Variants in SEMA6D observed in about 807,000 individuals in gnomAD.
SEMA6D encodes semaphorin-6D.
SEMA6D carries 35 observed loss-of-function variants against 106.6 expected under a neutral mutation model. The observed-to-expected ratio is 0.33, with a 90% CI of 0.25 to 0.44. The LOEUF (loss-of-function observed/expected upper bound fraction) is 0.44, where lower values mean the gene tolerates loss of function less well. Among genes scored for constraint, SEMA6D ranks in the 20% least tolerant of loss-of-function variants. The pLI is 1.00. For synonymous variants in SEMA6D, 499 were observed against 487.7 expected (o/e 1.02, Z -0.31); for missense variants, 1,185 against 1,345.9 (o/e 0.88, Z 1.87).
Position 47,277,075 on chromosome 15 carries a change from G to A in SEMA6D, c.-239+92657G>A, listed in dbSNP as rs114993584. Among the ~76,000 whole-genome samples, 916 of 152,250 alleles carry A rather than the reference G, an allele frequency of 6.0e-3. 14 individuals are homozygous for A. Among genetic ancestry groups the A allele is most frequent in the African/African-American group, 0.021 (865 of 41,560 alleles). On this transcript the variant is annotated intron_variant, in intron 1 of 19. Coordinates refer to the SEMA6D transcript ENST00000558014. ...AGAATTATTAATAGACATGAAGCCT[G>A]AAGCTGAGACTGAATTGCTGCAATT...
At chr15:47,190,172 AT>A (rs762082423) in intron 1 of SEMA6D, among the ~76,000 whole-genome samples, 167 of 152,318 alleles carry the variant, frequency 1.1e-3, no homozygotes, top group Middle Eastern at 6.8e-3. Context: ...TGGGCAGAGA[AT>A]TTGTCTTCAA....
chr15:47,214,711 C>G (rs190811581), intron 1 of SEMA6D, among the ~76,000 whole-genome samples: 18 of 152,228 alleles, frequency 1.2e-4, no homozygotes, highest in African/African-American at 3.9e-4. Flanking sequence ...AATGTTTTAT[C>G]CTGAGGGAAA....
chr15:47,274,735 AG>A (rs1784902529), intron 1 of SEMA6D: 1 of 152,482 alleles, frequency 6.6e-6, no homozygotes, highest in African/African-American at 2.4e-5. Flanking sequence ...CTGCCTCTCC[AG>A]CTTTGTGTAA....
intron 13 of SEMA6D, 62 bp from the exon 14 acceptor site, chr15:47,765,807 G>A (rs1328076556): frequency 1.7e-5 from 24 of 1,414,174 alleles, no homozygotes; most frequent in Non-Finnish European, 1.9e-5. Context: ...CTCAGTAATT[G>A]CTAAAGCAAA....
chr15:47,417,756 A>G (rs2041021499), intron 2 of SEMA6D, among the ~76,000 whole-genome samples: 1 of 151,974 alleles, frequency 6.6e-6, no homozygotes, highest in Non-Finnish European at 1.5e-5. Context: ...ACATCTCTAA[A>G]TATTAATTTT....
intron 3 of SEMA6D, among the ~76,000 whole-genome samples, chr15:47,531,833 G>T (rs145672858): frequency 6.6e-6 from 1 of 152,180 alleles, no homozygotes. Flanking sequence ...CCAATTAGAG[G>T]TCATGTTGTT....
chr15:47,753,356 G>A (rs1464984258), intron 1 of SEMA6D, among the ~76,000 whole-genome samples: 1 of 152,168 alleles, frequency 6.6e-6, no homozygotes, highest in East Asian at 1.9e-4. Flanking sequence ...CTCTGGAGAA[G>A]GTGCAGAAGG....
At chr15:47,722,902 T>C (rs907310825) in intron 1 of SEMA6D, among the ~76,000 whole-genome samples, 2 of 152,206 alleles carry the variant, frequency 1.3e-5, no homozygotes, top group East Asian at 3.8e-4. Flanking sequence ...AATTCTGTTA[T>C]TATCACTGCT....
chr15:47,228,209 C>T (rs1238572546), intron 1 of SEMA6D, among the ~76,000 whole-genome samples: 1 of 149,258 alleles, frequency 6.7e-6, no homozygotes, highest in East Asian at 2.0e-4. Context: ...ATGGATATGT[C>T]ATACAAGTGA....
intron 2 of SEMA6D, among the ~76,000 whole-genome samples, chr15:47,458,423 C>CGG (rs1166108765): frequency 2.0e-5 from 3 of 151,814 alleles, no homozygotes; most frequent in Non-Finnish European, 4.4e-5. Flanking sequence ...TTTTCAAAGG[C>CGG]CCATGGAACA....
chr15:47,628,266 C>A (rs2077236130), intron 4 of SEMA6D, among the ~76,000 whole-genome samples: 1 of 148,374 alleles, frequency 6.7e-6, no homozygotes, highest in Non-Finnish European at 1.5e-5. Context: ...TTTTTCATTT[C>A]TTTGAGATTA....
At chr15:47,306,281 C>T (rs1468126518) in intron 1 of SEMA6D, among the ~76,000 whole-genome samples, 2 of 152,052 alleles carry the variant, frequency 1.3e-5, no homozygotes, top group African/African-American at 2.4e-5. Context: ...CCGCGCCTGG[C>T]CCAATGGTAA....
intron 3 of SEMA6D, among the ~76,000 whole-genome samples, chr15:47,577,956 G>A (rs959459166): frequency 2.0e-5 from 3 of 152,220 alleles, no homozygotes; most frequent in African/African-American, 4.8e-5. Context: ...GTATTCTCAT[G>A]TTTATTACAC....
intron 4 of SEMA6D, among the ~76,000 whole-genome samples, chr15:47,618,615 T>C (rs187741685): frequency 1.3e-3 from 202 of 152,336 alleles, no homozygotes; most frequent in Non-Finnish European, 2.2e-3. Flanking sequence ...AATAGTAGAG[T>C]TAATCTCCAG....
Position 47,765,022 on chromosome 15 carries a change from T to C in SEMA6D, c.1393T>C (p.Leu465=), listed in dbSNP as rs1212136196. The part of the protein sequence containing the change: ...TSPFSLNDSV[L]LEEIEAYNHA... ...TCCTTTCTCTTTGAACGACAGCGTATTACTGGAAGAGATTGAAGCCTACAA... is the reference window on the plus strand; with the variant it reads ...TCCTTTCTCTTTGAACGACAGCGTACTACTGGAAGAGATTGAAGCCTACAA... Residue 465 remains leucine (L), a synonymous_variant, in exon 13 of 19, where the codon TTA becomes CTA. Coordinates refer to ENST00000536845, the MANE Select transcript of SEMA6D (RefSeq NM_001358351.3). 6.2e-7 allele frequency: 1 copy of C among 1,613,736 alleles called. No individual in the cohort carries two copies. Among genetic ancestry groups the C allele is most frequent in the African/African-American group, 1.3e-5 (1 of 74,912 alleles).
intron 1 of SEMA6D, among the ~76,000 whole-genome samples, chr15:47,347,257 G>A (rs984191857): frequency 1.3e-4 from 20 of 152,142 alleles, no homozygotes; most frequent in African/African-American, 4.6e-4. Context: ...TAGAATATCA[G>A]GGACAGCTTT....
chr15:47,764,378 G>A, intron 11 of SEMA6D, 73 bp downstream of exon 11: 2 of 1,540,020 alleles, frequency 1.3e-6, no homozygotes, highest in East Asian at 2.3e-5. Context: ...CCTCCTCAGG[G>A]AGCAGCTTGG....
intron 4 of SEMA6D, among the ~76,000 whole-genome samples, chr15:47,653,819 A>G (rs1416353863): frequency 1.3e-5 from 2 of 152,234 alleles, no homozygotes; most frequent in Non-Finnish European, 2.9e-5. Flanking sequence ...TGCTTGTCAT[A>G]TCCACGAATG....
chr15:47,473,506 G>A (rs1395640335), intron 3 of SEMA6D, among the ~76,000 whole-genome samples: 1 of 152,184 alleles, frequency 6.6e-6, no homozygotes, highest in African/African-American at 2.4e-5. Flanking sequence ...GAAAGAAAGA[G>A]AGTCACTAGC....
Sources: gnomAD v4.1 joint callset for allele counts (sites outside exome capture counted in the v4.1 genomes callset) on GRCh38, gnomAD v4.1.1 for gene constraint, MANE v1.5 for transcripts, NCBI Gene and HGNC (gene_info 2026-07-23, HGNC 2026-07-21) for gene names.